The following TXNRD1 variants were observed in gnomAD, a reference collection of about 807,000 sequenced individuals.
TXNRD1 encodes thioredoxin reductase 1.
TXNRD1 carries 57 observed loss-of-function variants against 80.3 expected under a neutral mutation model. The observed-to-expected ratio is 0.71, with a 90% CI of 0.57 to 0.89. The LOEUF is 0.89. TXNRD1 is among the 40% of genes least tolerant of loss of function. The pLI, the probability that TXNRD1 is intolerant of heterozygous loss-of-function variation, is 0.00. For missense variants in TXNRD1, 730 were observed against 803.0 expected, an observed-to-expected ratio of 0.91 and a Z score of 1.10; for synonymous variants, 291 against 285.2, an observed-to-expected ratio of 1.02 and a Z score of -0.20.
chr12:104,334,382 TTTG>T (rs775039247), intron 15 of TXNRD1, 50 bp downstream of exon 15: 141 of 1,214,948 alleles, frequency 1.2e-4, no homozygotes, highest in African/African-American at 9.5e-4. Flanking sequence ...GTTGTTGTTT[TTTG>T]TTGTTGTTTT....
At chr12:104,295,309 C>T (rs1255850596) in intron 4 of TXNRD1, among the ~76,000 whole-genome samples, 3 of 152,180 alleles carry the variant, frequency 2.0e-5, no homozygotes, top group South Asian at 2.1e-4. Flanking sequence ...TACTCACCAG[C>T]GCCTGACTAT....
intron 1 of TXNRD1, among the ~76,000 whole-genome samples, chr12:104,226,455 A>G (rs1041669519): frequency 1.2e-4 from 18 of 152,194 alleles, no homozygotes; most frequent in African/African-American, 4.3e-4. Context: ...ATATAATAAC[A>G]GTGTAGCCTC....
chr12:104,267,275 C>CTTTCTTTCTTTCTTTCTTTCTT (rs1427904189), intron 3 of TXNRD1, among the ~76,000 whole-genome samples: 1 of 139,766 alleles, frequency 7.2e-6, no homozygotes, highest in Non-Finnish European at 1.5e-5. Flanking sequence ...TTCTTTCTTT[C>CTTTCTTTCTTTCTTTCTTTCTT]TTTCTTTCCT....
chr12:104,321,000 G>A (rs2035507061), intron 9 of TXNRD1, 91 bp from the exon 10 acceptor site: 2 of 898,296 alleles, frequency 2.2e-6, no homozygotes, highest in East Asian at 4.8e-5. Context: ...GTATGTTCTT[G>A]TCAAAGTAAA....
At chr12:104,286,843 A>C in intron 3 of TXNRD1, 1 of 1,069,718 alleles carries the variant, frequency 9.3e-7, no homozygotes, top group South Asian at 2.8e-5. Context: ...ATGAGCAGGC[A>C]GAGGATGTGG....
chr12:104,229,795 G>A (rs1450036117), intron 1 of TXNRD1, among the ~76,000 whole-genome samples: 1 of 151,798 alleles, frequency 6.6e-6, no homozygotes, highest in African/African-American at 2.4e-5. Flanking sequence ...GTTGCACCAT[G>A]TTGGTCAGGC....
intron 1 of TXNRD1, among the ~76,000 whole-genome samples, chr12:104,250,310 A>G (rs912169141): frequency 3.9e-5 from 6 of 152,240 alleles, no homozygotes; most frequent in Admixed American, 6.5e-5. Context: ...ACTCTTACAA[A>G]AAAAATAAAA....
chr12:104,293,748 A>G (rs1168064309), intron 4 of TXNRD1, among the ~76,000 whole-genome samples: 2 of 152,154 alleles, frequency 1.3e-5, no homozygotes, highest in Non-Finnish European at 1.5e-5. Context: ...AGACAAAGAG[A>G]TAAGAGAAAA....
intron 1 of TXNRD1, among the ~76,000 whole-genome samples, chr12:104,241,163 C>T (rs149426559): frequency 6.6e-6 from 1 of 152,020 alleles, no homozygotes; most frequent in East Asian, 1.9e-4. Context: ...CCTCAGCCTC[C>T]CAAGTAGCTG....
At chr12:104,269,790 C>T (rs538810992) in intron 3 of TXNRD1, among the ~76,000 whole-genome samples, 27 of 152,076 alleles carry the variant, frequency 1.8e-4, no homozygotes, top group African/African-American at 5.8e-4. Context: ...AGGATGGTCT[C>T]GATCTCCTGA....
chr12:104,282,728 C>T lies in TXNRD1; in HGVS notation c.305-6203C>T, dbSNP rs528767916. Among the ~76,000 whole-genome samples the T allele has an allele frequency of 2.8e-4, 42 of 152,256 alleles. No individual in the cohort carries two copies. In the South Asian group the frequency reaches 8.3e-3, roughly 30 times the overall value. On this transcript the variant is annotated intron_variant, in intron 3 of 16. Coordinates refer to ENST00000525566, the MANE Select transcript of TXNRD1 (RefSeq NM_001093771.3). ...CTTTCTTTTTGGGAACAGTTTTGCT[C>T]TGTCATCCAGGCTGAAGAGCAGTGG...
chr12:104,273,860 G>A (rs371135257), intron 3 of TXNRD1, among the ~76,000 whole-genome samples: 2 of 152,168 alleles, frequency 1.3e-5, no homozygotes, highest in East Asian at 3.9e-4. Context: ...GACCATCCTG[G>A]CTAACACGGT....
chr12:104,294,234 C>G (rs866662172), intron 4 of TXNRD1, among the ~76,000 whole-genome samples: 4,795 of 23,680 alleles, frequency 0.2, 1,399 homozygotes, highest in African/African-American at 0.46. Context: ...CGGGGAAAGG[C>G]CCCCCCCCCC....
At chr12:104,244,276 CTTGAGGAGGAGT>C (rs1391517440) in intron 1 of TXNRD1, among the ~76,000 whole-genome samples, 2 of 152,158 alleles carry the variant, frequency 1.3e-5, no homozygotes, top group African/African-American at 2.4e-5. Context: ...GAAGATGTTT[CTTGAGGAGGAGT>C]GTCCTGGAGT....
chr12:104,331,683 T>G (rs1463124801), intron 14 of TXNRD1, 42 bp downstream of exon 14: 3 of 1,323,720 alleles, frequency 2.3e-6, no homozygotes, highest in Admixed American at 2.1e-5. Context: ...TATCACTACT[T>G]TTTTTTCTTC....
At chr12:104,269,886 A>AT (rs960629705) in intron 3 of TXNRD1, among the ~76,000 whole-genome samples, 48 of 151,534 alleles carry the variant, frequency 3.2e-4, no homozygotes, top group Non-Finnish European at 4.9e-4. Context: ...CTAATTTTTA[A>AT]TTTTTTTTGT....
chr12:104,220,313 G>T (rs1004777912), intron 1 of TXNRD1, among the ~76,000 whole-genome samples: 1 of 152,166 alleles, frequency 6.6e-6, no homozygotes, highest in East Asian at 1.9e-4. Flanking sequence ...GCTTTTTGTT[G>T]ATTTTAACCA....
At chr12:104,286,161 G>A (rs1352374224) in intron 3 of TXNRD1, 1 of 152,186 alleles carries the variant, frequency 6.6e-6, no homozygotes, top group African/African-American at 2.4e-5. Context: ...ATCCAAAGAA[G>A]TGGGAAAGAC....
In TXNRD1 at chr12:104,251,511, C is replaced by A. The variant is rs775809649; in HGVS notation, c.92-16C>A. The A allele has an allele frequency of 1.2e-6, 2 of 1,611,494 alleles. No individual in the cohort carries two copies. Among genetic ancestry groups the A allele is most frequent in the South Asian group, 2.2e-5 (2 of 90,726 alleles). On this transcript the variant is annotated splice_polypyrimidine_tract_variant and intron_variant, in intron 1 of 16. Transcript: ENST00000525566. ...TCCTTTGTGATAATTACCATCCTTACTTCCATTACTTCTAGCTAAAGATCA... is the reference window on the plus strand; with the variant it reads ...TCCTTTGTGATAATTACCATCCTTAATTCCATTACTTCTAGCTAAAGATCA...
Sources: gnomAD v4.1 joint callset for allele counts (sites outside exome capture counted in the v4.1 genomes callset) on GRCh38, gnomAD v4.1.1 for gene constraint, MANE v1.5 for transcripts, NCBI Gene and HGNC (gene_info 2026-07-23, HGNC 2026-07-21) for gene names.